The following SGCG variants were observed in gnomAD, a reference collection of about 807,000 sequenced individuals.
SGCG encodes the protein sarcoglycan gamma.
A neutral mutation model predicts 29.3 loss-of-function variants in SGCG; 26 were observed. The ratio of observed to expected loss-of-function variants is 0.89; its 90% CI spans 0.65 to 1.23. The LOEUF (loss-of-function observed/expected upper bound fraction) is 1.23. Ranked by LOEUF, SGCG falls within the 50% of genes most tolerant of loss-of-function variation. SGCG has a pLI of 0.00. For synonymous variants in SGCG, 145 were observed against 129.7 expected (o/e 1.12, Z -0.80); for missense variants, 353 against 356.0 (o/e 0.99, Z 0.07).
intron 1 of SGCG, among the ~76,000 whole-genome samples, chr13:23,195,634 C>A (rs964677150): frequency 6.6e-6 from 1 of 151,526 alleles, no homozygotes; most frequent in Admixed American, 6.6e-5. Context: ...AAAGTCAGTC[C>A]TATTGTAAAG....
At chr13:23,200,751 C>T (rs559747723) in intron 1 of SGCG, among the ~76,000 whole-genome samples, 2 of 151,976 alleles carry the variant, frequency 1.3e-5, no homozygotes, top group East Asian at 1.9e-4. Flanking sequence ...TCAGGAAGAT[C>T]GTTGATAAGC....
the SGCG span, among the ~76,000 whole-genome samples, chr13:23,173,410 A>G: frequency 1.3e-5 from 2 of 152,224 alleles, no homozygotes; most frequent in African/African-American, 2.4e-5. Flanking sequence ...GAATGTTACT[A>G]TAATGGAAGA....
rs772666693 is a variant in SGCG at position 23,250,752 on chromosome 13, T to C, written c.385+35T>C. ...GCTTCATCATGGTGCTTTGCATGCA[T>C]GTTGTCCATGAATAGTGCTAAATGA... On this transcript the variant is annotated intron_variant, in intron 4 of 7. Transcript: ENST00000218867. 5.4e-5 allele frequency: 65 copies of C among 1,201,444 alleles called. 1 individual carries two copies. The South Asian group carries it at 6.9e-4, about 13-fold the overall frequency. 74.4% of individuals were successfully genotyped at this position (1,201,444 alleles called of 1,614,324 possible).
At chr13:23,223,773 C>G (rs570676616) in intron 2 of SGCG, among the ~76,000 whole-genome samples, 3 of 152,028 alleles carry the variant, frequency 2.0e-5, no homozygotes, top group Non-Finnish European at 4.4e-5. Context: ...TGAGACCAGC[C>G]TGACCAACAT....
At position 23,249,499 on chromosome 13, in the gene SGCG, C is replaced by A. The variant is rs141150925; in HGVS notation, c.298-1131C>A. Reference sequence around the variant, plus strand: ...TTTTTCAGTTGGTTTTTATTCATATCTAACTTCAAAATTCATACCTGCTTA... The same window carrying A: ...TTTTTCAGTTGGTTTTTATTCATATATAACTTCAAAATTCATACCTGCTTA... On this transcript the variant is annotated intron_variant, in intron 3 of 7. Transcript: ENST00000218867. 6.9e-3 allele frequency among the ~76,000 whole-genome samples: 1,051 copies of A among 152,224 alleles called. 4 individuals carry two copies. Among genetic ancestry groups the A allele is most frequent in the Non-Finnish European group, 0.012 (790 of 68,026 alleles).
At chr13:23,238,723 A>G (rs1349434510) in intron 3 of SGCG, among the ~76,000 whole-genome samples, 1 of 152,248 alleles carries the variant, frequency 6.6e-6, no homozygotes, top group Non-Finnish European at 1.5e-5. Context: ...AAGCATAATC[A>G]TGTTAAGGAG....
Position 23,286,548 on chromosome 13 carries a change from C to T in SGCG, c.505+7070C>T, listed in dbSNP as rs151144111. Among the ~76,000 whole-genome samples the T allele has an allele frequency of 3.9e-5, 6 of 152,258 alleles. 1 individual carries two copies. The East Asian group carries it at 1.2e-3, about 29-fold the overall frequency. On this transcript the variant is annotated intron_variant, in intron 5 of 7. Coordinates refer to ENST00000218867, the MANE Select transcript of SGCG (RefSeq NM_000231.3). ...ATCTTCAGGGGATACGTTCAAAGAGCCCCAGGGGATACCTCAAGCTGCAGA... is the reference window on the plus strand; with the variant it reads ...ATCTTCAGGGGATACGTTCAAAGAGTCCCAGGGGATACCTCAAGCTGCAGA...
intron 2 of SGCG, among the ~76,000 whole-genome samples, chr13:23,223,855 A>C (rs1665336468): frequency 6.6e-6 from 1 of 152,116 alleles, no homozygotes; most frequent in Non-Finnish European, 1.5e-5. Flanking sequence ...AATCCCAGCT[A>C]CTCGGGAGGC....
intron 2 of SGCG, among the ~76,000 whole-genome samples, chr13:23,213,859 C>T (rs1878326936): frequency 6.6e-6 from 1 of 152,278 alleles, no homozygotes; most frequent in East Asian, 1.9e-4. Context: ...GCTACCGAGG[C>T]TCAGCCTAGG....
intron 6 of SGCG, among the ~76,000 whole-genome samples, chr13:23,312,384 A>C (rs1882635126): frequency 6.6e-6 from 1 of 152,232 alleles, no homozygotes; most frequent in African/African-American, 2.4e-5. Flanking sequence ...AAAGGGACTA[A>C]ATTTTAAGAA....
At chr13:23,292,119 C>CTTTTTTTTTT (rs71100167) in intron 5 of SGCG, among the ~76,000 whole-genome samples, 22 of 147,462 alleles carry the variant, frequency 1.5e-4, no homozygotes, top group African/African-American at 4.1e-4. Flanking sequence ...ACATTTCTTT[C>CTTTTTTTTTT]TTTTTTTTGA....
chr13:23,250,614 A>G lies in SGCG; in HGVS notation c.298-16A>G. Reference sequence around the variant, plus strand: ...AAACAGCACCTATTTTGCAAATTTTATAAATCTCTTTCTAGGACTCATCTC... The same window carrying G: ...AAACAGCACCTATTTTGCAAATTTTGTAAATCTCTTTCTAGGACTCATCTC... On this transcript the variant is annotated splice_polypyrimidine_tract_variant and intron_variant, in intron 3 of 7. Transcript: ENST00000218867. 1 of 1,510,382 alleles carries G rather than the reference A, an allele frequency of 6.6e-7. No homozygotes were observed. The highest frequency in any genetic ancestry group is 9.2e-7 in the Non-Finnish European group (1 of 1,087,290). The allele number at this position is 1,510,382 out of a possible 1,614,324, so 93.6% of individuals were successfully genotyped here.
chr13:23,324,649 C>T lies in SGCG; in HGVS notation c.*108C>T, dbSNP rs1443765078. 28 of 995,646 alleles carry T rather than the reference C, an allele frequency of 2.8e-5. No homozygotes were observed. The South Asian group carries it at 3.2e-4, about 12-fold the overall frequency. 61.7% of individuals were successfully genotyped at this position (995,646 alleles called of 1,614,324 possible). ...TGAGGCAGCGTGGATGGGAAGTAAA[C>T]GCTTCCAGAGGAACTCAGAAAAAAT... is the stretch of plus-strand genomic sequence containing the variant. On this transcript the variant is annotated 3_prime_UTR_variant, in exon 8 of 8. Transcript: ENST00000218867.
intron 4 of SGCG, among the ~76,000 whole-genome samples, chr13:23,264,160 C>T (rs552532481): frequency 2.0e-5 from 3 of 151,954 alleles, no homozygotes; most frequent in South Asian, 2.1e-4. Context: ...GCCAATGATG[C>T]GATCTTATAG....
chr13:23,237,622 C>G (rs952567180), intron 3 of SGCG, among the ~76,000 whole-genome samples: 1 of 152,158 alleles, frequency 6.6e-6, no homozygotes, highest in Non-Finnish European at 1.5e-5. Context: ...GATGCCAGTC[C>G]AGAACCTGAA....
At chr13:23,282,429 C>T (rs1261267279) in intron 5 of SGCG, among the ~76,000 whole-genome samples, 1 of 152,128 alleles carries the variant, frequency 6.6e-6, no homozygotes, top group South Asian at 2.1e-4. Context: ...TATTTCATCA[C>T]CCAGGTATTA....
At chr13:23,197,277 G>A (rs892668174) in intron 1 of SGCG, among the ~76,000 whole-genome samples, 20 of 152,138 alleles carry the variant, frequency 1.3e-4, no homozygotes, top group African/African-American at 2.7e-4. Context: ...TAGTCACATC[G>A]TTGTAATTGA....
At chr13:23,204,729 G>T (rs536701076) in intron 2 of SGCG, among the ~76,000 whole-genome samples, 24 of 119,952 alleles carry the variant, frequency 2.0e-4, no homozygotes, top group Admixed American at 3.0e-4. Flanking sequence ...TTTTTGAGAC[G>T]GAGTCTCACT....
intron 4 of SGCG, among the ~76,000 whole-genome samples, chr13:23,278,585 A>G (rs899706630): frequency 2.0e-5 from 3 of 152,158 alleles, no homozygotes; most frequent in Non-Finnish European, 2.9e-5. Context: ...TCAAAGAGGA[A>G]TTGGGGAACA....
Sources: allele counts gnomAD v4.1 joint callset (sites outside exome capture counted in the v4.1 genomes callset), GRCh38; gene constraint gnomAD v4.1.1; transcripts MANE v1.5; gene names NCBI Gene and HGNC (gene_info 2026-07-23, HGNC 2026-07-21).